Variants in LRRFIP1 observed in about 807,000 individuals in gnomAD.
LRRFIP1 encodes LRR binding FLII interacting protein 1.
Under a neutral mutation model 104.4 loss-of-function variants are expected in LRRFIP1, and 62 were observed. The ratio of observed to expected loss-of-function variants is 0.59; its 90% CI spans 0.48 to 0.73. The LOEUF is 0.73. Among genes scored for constraint, LRRFIP1 ranks in the 30% least tolerant of loss-of-function variants. The pLI, the probability that LRRFIP1 is intolerant of heterozygous loss-of-function variation, is 0.00. For missense variants in LRRFIP1, 796 were observed against 824.5 expected, an observed-to-expected ratio of 0.97 and a Z score of 0.42; for synonymous variants, 300 against 299.0, an observed-to-expected ratio of 1.00 and a Z score of -0.03.
intron 1 of LRRFIP1, among the ~76,000 whole-genome samples, chr2:237,648,877 C>T (rs2085420487): frequency 6.6e-6 from 1 of 151,878 alleles, no homozygotes; most frequent in Non-Finnish European, 1.5e-5. Flanking sequence ...ACCTCACTTT[C>T]TCAAGTTCCT....
At chr2:237,759,366 G>T (rs117515025) in intron 18 of LRRFIP1, among the ~76,000 whole-genome samples, 13 of 152,150 alleles carry the variant, frequency 8.5e-5, no homozygotes, top group African/African-American at 2.4e-4. Flanking sequence ...TTCCTGAACC[G>T]TCACCATCTG....
At chr2:237,749,362 C>A (rs753706709) in intron 13 of LRRFIP1, 38 bp downstream of exon 13, 5 of 1,605,456 alleles carry the variant, frequency 3.1e-6, no homozygotes, top group Non-Finnish European at 4.2e-6. Flanking sequence ...TTGAGAGAAC[C>A]TTTTGTAAAA....
intron 7 of LRRFIP1, among the ~76,000 whole-genome samples, chr2:237,726,414 G>T (rs543176586): frequency 6.6e-6 from 1 of 151,926 alleles, no homozygotes; most frequent in Non-Finnish European, 1.5e-5. Flanking sequence ...CCCGTCCCCC[G>T]GATAAGGAAC....
At chr2:237,729,888 A>G (rs869434) in intron 8 of LRRFIP1, 226,702 of 878,790 alleles carry the variant, frequency 0.26, 32,664 homozygotes, top group African/African-American at 0.57. Context: ...GAAACCGCAG[A>G]TTTTGTAGCA....
intron 11 of LRRFIP1, among the ~76,000 whole-genome samples, chr2:237,742,095 C>T (rs527692727): frequency 2.6e-5 from 4 of 152,216 alleles, no homozygotes; most frequent in Non-Finnish European, 4.4e-5. Flanking sequence ...CGAAATTGAC[C>T]GAAGAGACTG....
chr2:237,738,618 A>G (rs1272076485), intron 10 of LRRFIP1, among the ~76,000 whole-genome samples: 1 of 152,234 alleles, frequency 6.6e-6, no homozygotes, highest in African/African-American at 2.4e-5. Context: ...TCAAAGTTAC[A>G]AGGGCGTAGC....
At chr2:237,728,316 C>T (rs990994045) in intron 8 of LRRFIP1, among the ~76,000 whole-genome samples, 3 of 152,226 alleles carry the variant, frequency 2.0e-5, no homozygotes, top group Non-Finnish European at 4.4e-5. Flanking sequence ...GCAGTCTCCA[C>T]ATCTGTCATT....
chr2:237,754,943 G>C (rs1324241614), intron 15 of LRRFIP1, among the ~76,000 whole-genome samples: 1 of 152,194 alleles, frequency 6.6e-6, no homozygotes, highest in African/African-American at 2.4e-5. Context: ...CAGGGGCCAT[G>C]CAAAGCCCCA....
chr2:237,690,646 A>G (rs2092691741), intron 1 of LRRFIP1, among the ~76,000 whole-genome samples: 1 of 151,842 alleles, frequency 6.6e-6, no homozygotes, highest in Non-Finnish European at 1.5e-5. Context: ...CTGAGGCAGG[A>G]GAATCGCTGG....
chr2:237,758,002 C>CT (rs2059451900), intron 17 of LRRFIP1, among the ~76,000 whole-genome samples: 1 of 151,782 alleles, frequency 6.6e-6, no homozygotes, highest in Non-Finnish European at 1.5e-5. Flanking sequence ...ACCCTTCTCC[C>CT]TCCACAAGAA....
chr2:237,739,437 C>T, intron 11 of LRRFIP1, 128 bp downstream of exon 11: 2 of 854,710 alleles, frequency 2.3e-6, no homozygotes, highest in Non-Finnish European at 3.5e-6. Flanking sequence ...TTACATTGCT[C>T]AACTTTTCAA....
intron 1 of LRRFIP1, 41 bp downstream of exon 1, chr2:237,627,781 C>A (rs1475838228): frequency 4.3e-6 from 5 of 1,157,590 alleles, no homozygotes; most frequent in African/African-American, 1.6e-5. Flanking sequence ...GCCGGGCGGG[C>A]GCGGGGGCCG....
Position 237,661,123 on chromosome 2 carries a change from G to A in LRRFIP1, c.96+33383G>A, listed in dbSNP as rs1236341658. 2.6e-5 allele frequency among the ~76,000 whole-genome samples: 4 copies of A among 151,538 alleles called. No homozygotes were observed. The highest frequency in any genetic ancestry group is 5.9e-5 in the Non-Finnish European group (4 of 68,010). ...GCGGGGAGAGGCCTTGCTACAGTGG[G>A]TGCCTCATCAGCACTGTGAACAAAC... On this transcript the variant is annotated intron_variant, in intron 1 of 23. Coordinates refer to ENST00000308482, the MANE Select transcript of LRRFIP1 (RefSeq NM_001137550.2). This position sits in a 1 kb window ranked among gnomAD's most constrained non-coding sequence, Gnocchi z 4.4.
chr2:237,682,549 A>G (rs565337505), intron 1 of LRRFIP1, among the ~76,000 whole-genome samples: 1 of 152,120 alleles, frequency 6.6e-6, no homozygotes, highest in African/African-American at 2.4e-5. Flanking sequence ...TTACTCTTGG[A>G]TTGGGCCTTC....
chr2:237,746,164 T>C (rs1296312685), intron 11 of LRRFIP1, among the ~76,000 whole-genome samples: 1 of 151,766 alleles, frequency 6.6e-6, no homozygotes, highest in Non-Finnish European at 1.5e-5. Flanking sequence ...GTTCAAGAGA[T>C]TCTCCTGCCT....
Position 237,735,263 on chromosome 2 carries a change from C to G in LRRFIP1, c.490-5C>G. Reference sequence around the variant, plus strand: ...GCCCATCCTGACAGTCTCTTTTGGTCGCAGGCGTCTGTGTTGGATGAAGGC... The same window carrying G: ...GCCCATCCTGACAGTCTCTTTTGGTGGCAGGCGTCTGTGTTGGATGAAGGC... On this transcript the variant is annotated splice_region_variant and splice_polypyrimidine_tract_variant and intron_variant, in intron 9 of 23. Coordinates refer to ENST00000308482, the MANE Select transcript of LRRFIP1 (RefSeq NM_001137550.2). The surrounding 1 kb of genome is among the most constrained non-coding windows in gnomAD (Gnocchi z 4.6). 1 of 1,612,934 alleles carries G rather than the reference C, an allele frequency of 6.2e-7. No individual in the cohort carries two copies.
intron 1 of LRRFIP1, among the ~76,000 whole-genome samples, chr2:237,651,524 T>C (rs1041125521): frequency 6.6e-6 from 1 of 152,154 alleles, no homozygotes; most frequent in African/African-American, 2.4e-5. Flanking sequence ...TCTGGGAAGC[T>C]CCCTCCCTGC....
rs535853161 is a variant in LRRFIP1 at position 237,646,000 on chromosome 2, G to A, written c.96+18260G>A. On this transcript the variant is annotated intron_variant, in intron 1 of 23. Coordinates refer to ENST00000308482, the MANE Select transcript of LRRFIP1 (RefSeq NM_001137550.2). Reference sequence around the variant, plus strand: ...CTTTTCCTTAGCTCTGTTCCTCGCCGTGGGGACTCTGGATAACAACAGACA... The same window carrying A: ...CTTTTCCTTAGCTCTGTTCCTCGCCATGGGGACTCTGGATAACAACAGACA... 2.5e-3 allele frequency among the ~76,000 whole-genome samples: 376 copies of A among 151,998 alleles called. 3 individuals are homozygous for A. Among genetic ancestry groups the A allele is most frequent in the African/African-American group, 8.6e-3 (358 of 41,506 alleles).
At chr2:237,738,271 A>G (rs2095313335) in intron 10 of LRRFIP1, among the ~76,000 whole-genome samples, 1 of 150,806 alleles carries the variant, frequency 6.6e-6, no homozygotes, top group Non-Finnish European at 1.5e-5. Flanking sequence ...GAAGATCTGG[A>G]TGAGATCATG....
Sources: allele counts gnomAD v4.1 joint callset (sites outside exome capture counted in the v4.1 genomes callset), GRCh38; gene constraint gnomAD v4.1.1; non-coding constraint Gnocchi (gnomAD v3.1); transcripts MANE v1.5; gene names NCBI Gene and HGNC (gene_info 2026-07-23, HGNC 2026-07-21).